The following MTBP variants were observed in gnomAD, a reference collection of about 807,000 sequenced individuals.
The protein encoded by MTBP is mdm2-binding protein.
In MTBP, 101 loss-of-function variants were observed where a neutral mutation model predicts 117.0. The observed-to-expected ratio is 0.86, with a 90% CI of 0.73 to 1.02. The LOEUF (loss-of-function observed/expected upper bound fraction) is 1.02. MTBP is among the 50% of genes least tolerant of loss of function. The pLI, the probability that MTBP is intolerant of heterozygous loss-of-function variation, is 0.00. For synonymous variants in MTBP, 350 were observed against 351.5 expected (o/e 1.00, Z 0.05); for missense variants, 970 against 1,030.9 (o/e 0.94, Z 0.81).
At chr8:120,490,440 C>CTTT in intron 12 of MTBP, 23 bp from the exon 13 acceptor site, 1 of 1,321,578 alleles carries the variant, frequency 7.6e-7, no homozygotes, top group Non-Finnish European at 1.1e-6. Context: ...TAATGTTGAC[C>CTTT]TTTTTTTTTT....
At position 120,463,710 on chromosome 8, in the gene MTBP, C is replaced by G. The variant is rs1175601978; in HGVS notation, c.996C>G (p.Thr332=). The part of the protein sequence containing the change: ...IEFELGLTNS[T]KQNSVLLLEQ... ...AGTACAGAGGATTGACAAACAGTACCAAACAGAATTCTGTGTTGCTGTTGG... is the reference window on the plus strand; with the variant it reads ...AGTACAGAGGATTGACAAACAGTACGAAACAGAATTCTGTGTTGCTGTTGG... The change falls in exon 10 of 22, where the codon ACC becomes ACG. Residue 332 remains threonine, a synonymous_variant. Transcript: ENST00000305949. 1 of 1,611,036 alleles carries G rather than the reference C, an allele frequency of 6.2e-7. No individual in the cohort carries two copies. The highest frequency in any genetic ancestry group is 8.5e-7 in the Non-Finnish European group (1 of 1,178,160).
At chr8:120,521,795 T>C (rs1440574878) in intron 20 of MTBP, among the ~76,000 whole-genome samples, 1 of 152,236 alleles carries the variant, frequency 6.6e-6, no homozygotes, top group African/African-American at 2.4e-5. Context: ...AAAAAATATC[T>C]TTTACCTGAT....
At chr8:120,472,621 G>C (rs1230672060) in intron 11 of MTBP, 1 of 152,080 alleles carries the variant, frequency 6.6e-6, no homozygotes, top group Non-Finnish European at 1.5e-5. Flanking sequence ...CTTGCCACAT[G>C]GTCTTCTCAG....
chr8:120,496,295 G>T (rs1053787771), intron 13 of MTBP, among the ~76,000 whole-genome samples: 1 of 152,172 alleles, frequency 6.6e-6, no homozygotes, highest in African/African-American at 2.4e-5. Flanking sequence ...AGTGTTAACT[G>T]AATCAAATCT....
intron 12 of MTBP, among the ~76,000 whole-genome samples, chr8:120,489,952 A>C (rs561267740): frequency 6.6e-6 from 1 of 152,210 alleles, no homozygotes; most frequent in Non-Finnish European, 1.5e-5. Flanking sequence ...CTATTTCAAG[A>C]TAGTACATTT....
intron 11 of MTBP, among the ~76,000 whole-genome samples, chr8:120,477,895 A>G (rs951050595): frequency 6.6e-6 from 1 of 152,194 alleles, no homozygotes; most frequent in African/African-American, 2.4e-5. Flanking sequence ...CAGCCATCCC[A>G]TTACTGGGCA....
At chr8:120,496,713 A>G (rs1004479029) in intron 13 of MTBP, among the ~76,000 whole-genome samples, 30 of 151,962 alleles carry the variant, frequency 2.0e-4, no homozygotes, top group Non-Finnish European at 3.7e-4. Flanking sequence ...CATACAAAAA[A>G]AAAAAAAGAA....
intron 4 of MTBP, chr8:120,451,787 T>C (rs1213560964): frequency 6.5e-6 from 1 of 154,488 alleles, no homozygotes; most frequent in African/African-American, 2.4e-5. Context: ...TTCGCCATGT[T>C]GTTCAGGCTG....
chr8:120,506,854 CA>C lies in MTBP; in HGVS notation c.1880del (p.Lys627ArgfsTer8). 6.2e-7 allele frequency: 1 copy of C among 1,602,240 alleles called. No homozygotes were observed. On this transcript the variant is annotated frameshift_variant, in exon 16 of 22. Transcript: ENST00000305949. LOFTEE classifies it high-confidence loss of function. ...PIGDLQPLPI[Q>X]KGEKTFVLTP... is the part of the protein sequence containing the mutation. ...TGGAGATCTTCAACCTTTACCGATT[CA>C]AAAGGGGTAGGTTATAAACTTATAA...
In MTBP at chr8:120,518,114, T is replaced by A. The variant is rs774618078; in HGVS notation, c.2496+14T>A. On this transcript the variant is annotated intron_variant, in intron 19 of 21. Transcript: ENST00000305949. ...AAACACACACGGGTAAAGATTTATT[T>A]CCCATTTTTCTTAGTTCTACATAGG... The A allele has an allele frequency of 4.0e-5, 64 of 1,606,902 alleles. No individual in the cohort carries two copies. The highest frequency in any genetic ancestry group is 5.4e-5 in the Non-Finnish European group (63 of 1,176,372).
chr8:120,488,518 A>T (rs917920773), intron 12 of MTBP, among the ~76,000 whole-genome samples, 186 bp downstream of exon 12: 1 of 152,210 alleles, frequency 6.6e-6, no homozygotes, highest in Non-Finnish European at 1.5e-5. Flanking sequence ...TTAATGTGCA[A>T]AGAGCAAATT....
rs764253748 is a variant in MTBP at position 120,445,440 on chromosome 8, G to A, written c.-31G>A. On this transcript the variant is annotated 5_prime_UTR_variant, in exon 1 of 22. Coordinates refer to ENST00000305949, the MANE Select transcript of MTBP (RefSeq NM_022045.5). ...GCGTCTGTTTGGATGTGGAAGCCGAGACCTAAAGTTGGGGGGTGATCTCTG... is the reference window on the plus strand; with the variant it reads ...GCGTCTGTTTGGATGTGGAAGCCGAAACCTAAAGTTGGGGGGTGATCTCTG... The A allele has an allele frequency of 1.1e-5, 18 of 1,582,550 alleles. No homozygotes were observed. Among genetic ancestry groups the A allele is most frequent in the African/African-American group, 4.0e-5 (3 of 74,110 alleles).
intron 11 of MTBP, among the ~76,000 whole-genome samples, chr8:120,478,869 TA>T (rs57690223): frequency 2.5e-4 from 38 of 152,004 alleles, no homozygotes; most frequent in African/African-American, 6.5e-4. Flanking sequence ...TATGCAGCCA[TA>T]AAAAATGATC....
At chr8:120,488,993 C>G (rs190659653) in intron 12 of MTBP, among the ~76,000 whole-genome samples, 19 of 150,670 alleles carry the variant, frequency 1.3e-4, no homozygotes, top group African/African-American at 3.9e-4. Context: ...GCTTTCCTCA[C>G]AGCTAGCTTG....
rs1277708394 is a variant in MTBP, at chr8:120,490,485, A to C, written c.1362A>C (p.Ser454=). 5 of 1,602,844 alleles carry C rather than the reference A, an allele frequency of 3.1e-6. No homozygotes were observed. The highest frequency in any genetic ancestry group is 4.3e-6 in the Non-Finnish European group (5 of 1,176,448). Residue 454 remains serine (S), a synonymous_variant, in exon 13 of 22, where the codon TCA becomes TCC. Transcript: ENST00000305949. ...AKLSFPFDLL[S]LPHFSGEQIV... ...CAGGTTTTCCTTTTGACTTATTATC[A>C]CTTCCACATTTTTCTGGGGAGCAGA...
chr8:120,500,059 A>G (rs761037808), intron 14 of MTBP, among the ~76,000 whole-genome samples: 19 of 152,188 alleles, frequency 1.2e-4, no homozygotes, highest in Admixed American at 1.2e-3. Context: ...AATGGCCTCA[A>G]TTCATTAACC....
At chr8:120,455,818 A>G (rs905727923) in intron 6 of MTBP, among the ~76,000 whole-genome samples, 3 of 152,086 alleles carry the variant, frequency 2.0e-5, no homozygotes, top group African/African-American at 4.8e-5. Context: ...TTTTACAACC[A>G]TTATTGAGGA....
intron 17 of MTBP, among the ~76,000 whole-genome samples, chr8:120,513,196 T>C (rs759901475): frequency 4.6e-5 from 7 of 152,120 alleles, no homozygotes; most frequent in Non-Finnish European, 7.4e-5. Flanking sequence ...CACCAGGCTC[T>C]CATTGCTTTG....
At chr8:120,480,852 C>CAAATTTATAAAGAA (rs1814068099) in intron 11 of MTBP, among the ~76,000 whole-genome samples, 1 of 152,056 alleles carries the variant, frequency 6.6e-6, no homozygotes, top group Non-Finnish European at 1.5e-5. Flanking sequence ...AAGTAGAATT[C>CAAATTTATAAAGAA]ACCAAGGTTC....
Sources: allele counts gnomAD v4.1 joint callset (sites outside exome capture counted in the v4.1 genomes callset), GRCh38; gene constraint gnomAD v4.1.1; transcripts MANE v1.5; gene names NCBI Gene and HGNC (gene_info 2026-07-23, HGNC 2026-07-21).